The following DAB1 variants were observed in gnomAD, a reference collection of about 807,000 sequenced individuals.
DAB1 encodes DAB adaptor protein 1.
DAB1 carries 15 observed loss-of-function variants against 64.6 expected under a neutral mutation model. The observed-to-expected ratio is 0.23, with a 90% CI of 0.16 to 0.36. The LOEUF (loss-of-function observed/expected upper bound fraction) is 0.36. Ranked by LOEUF, DAB1 falls within the 10% of genes least tolerant of loss-of-function variation. The pLI is 1.00. For synonymous variants in DAB1, 235 were observed against 251.9 expected (o/e 0.93, Z 0.64); for missense variants, 596 against 706.7 (o/e 0.84, Z 1.78).
intron 2 of DAB1, among the ~76,000 whole-genome samples, chr1:57,241,505 C>T (rs1196333218): frequency 2.0e-5 from 3 of 152,174 alleles, no homozygotes; most frequent in Admixed American, 6.5e-5. Context: ...GAATTGATCA[C>T]GTTGCTATAG....
chr1:57,171,918 C>T (rs1661807231), intron 2 of DAB1, among the ~76,000 whole-genome samples: 1 of 152,178 alleles, frequency 6.6e-6, no homozygotes, highest in African/African-American at 2.4e-5. Flanking sequence ...CTTAAAACAT[C>T]AGAAATGTAT....
chr1:58,407,922 A>G (rs1194031859), intron 3 of DAB1, among the ~76,000 whole-genome samples: 1 of 152,132 alleles, frequency 6.6e-6, no homozygotes, highest in Non-Finnish European at 1.5e-5. Flanking sequence ...ACAAAGCCCT[A>G]TGTGACCTGA....
At chr1:58,198,529 C>T (rs983526645) in intron 4 of DAB1, among the ~76,000 whole-genome samples, 5 of 152,214 alleles carry the variant, frequency 3.3e-5, no homozygotes, top group African/African-American at 9.6e-5. Context: ...TACATATTGG[C>T]TGTCCAATGT....
intron 3 of DAB1, among the ~76,000 whole-genome samples, chr1:58,483,767 G>A (rs1273345094): frequency 6.6e-6 from 1 of 152,228 alleles, no homozygotes; most frequent in Non-Finnish European, 1.5e-5. Context: ...TTTGCACTGA[G>A]ACATCAGGCA....
intron 4 of DAB1, among the ~76,000 whole-genome samples, chr1:58,267,057 TA>T (rs977853252): frequency 6.6e-6 from 1 of 152,064 alleles, no homozygotes; most frequent in African/African-American, 2.4e-5. Context: ...CTGTCTCTAC[TA>T]AAAATACAAA....
chr1:57,687,748 C>T (rs944276338), intron 6 of DAB1, among the ~76,000 whole-genome samples: 2 of 151,778 alleles, frequency 1.3e-5, no homozygotes, highest in African/African-American at 4.8e-5. Context: ...GAACAGAGAA[C>T]CCAGAAAAAA....
chr1:58,419,211 C>T (rs11582638), intron 3 of DAB1, among the ~76,000 whole-genome samples: 28,838 of 152,156 alleles, frequency 0.19, 3,319 homozygotes, highest in Middle Eastern at 0.27. Context: ...GTTCCTTGTA[C>T]TTGGAGTAAG....
At chr1:57,170,589 G>A (rs2100922417) in intron 2 of DAB1, among the ~76,000 whole-genome samples, 1 of 152,232 alleles carries the variant, frequency 6.6e-6, no homozygotes, top group Non-Finnish European at 1.5e-5. Context: ...AGGTGCAGGG[G>A]CTTTGAGAAG....
At chr1:57,395,661 A>C (rs1682743618) in intron 1 of DAB1, among the ~76,000 whole-genome samples, 1 of 152,196 alleles carries the variant, frequency 6.6e-6, no homozygotes, top group Non-Finnish European at 1.5e-5. Flanking sequence ...TGAGCATCTG[A>C]AATGTGGCTA....
chr1:58,219,025 C>CTCTCTCTCTCTCTCTCTCTCTGTG (rs376130413), intron 4 of DAB1, among the ~76,000 whole-genome samples: 10 of 129,550 alleles, frequency 7.7e-5, no homozygotes, highest in East Asian at 4.8e-4. Context: ...CTCTCTCTCT[C>CTCTCTCTCTCTCTCTCTCTCTGTG]TGTGTGTGTG....
intron 1 of DAB1, among the ~76,000 whole-genome samples, chr1:57,871,482 C>A (rs890703621): frequency 6.6e-6 from 1 of 152,126 alleles, no homozygotes; most frequent in African/African-American, 2.4e-5. Context: ...GTTATTTAAA[C>A]CAGGTCATCT....
intron 4 of DAB1, among the ~76,000 whole-genome samples, chr1:57,124,139 GA>G (rs1656915284): frequency 6.6e-6 from 1 of 152,004 alleles, no homozygotes; most frequent in African/African-American, 2.4e-5. Flanking sequence ...CAGTGGTAAG[GA>G]AAAAGTGAAA....
intron 4 of DAB1, among the ~76,000 whole-genome samples, chr1:58,172,040 T>C (rs866424017): frequency 1.3e-5 from 2 of 152,178 alleles, no homozygotes; most frequent in Non-Finnish European, 2.9e-5. Context: ...TTGCCAACTA[T>C]GGATCCCCGG....
At chr1:57,326,968 G>A (rs1217324555) in intron 1 of DAB1, among the ~76,000 whole-genome samples, 2 of 152,024 alleles carry the variant, frequency 1.3e-5, no homozygotes, top group African/African-American at 4.8e-5. Flanking sequence ...AGACAGGTTT[G>A]CACTCTGTTG....
intron 2 of DAB1, among the ~76,000 whole-genome samples, chr1:57,154,631 AGTG>A (rs1265555151): frequency 6.6e-6 from 1 of 152,182 alleles, no homozygotes; most frequent in East Asian, 1.9e-4. Flanking sequence ...TGTTCTCCAT[AGTG>A]GTTGTACTAA....
chr1:57,397,719 G>A (rs1475348625), intron 1 of DAB1, among the ~76,000 whole-genome samples: 1 of 152,224 alleles, frequency 6.6e-6, no homozygotes, highest in African/African-American at 2.4e-5. Flanking sequence ...TACCCCGAGT[G>A]ATGAGGCATC....
intron 4 of DAB1, among the ~76,000 whole-genome samples, chr1:57,099,493 A>C (rs2100686669): frequency 6.6e-6 from 1 of 152,360 alleles, no homozygotes; most frequent in South Asian, 2.1e-4. Flanking sequence ...TAATAGTGTA[A>C]GCTAGGTAAT....
At chr1:58,046,754 A>G (rs1471970718) in intron 5 of DAB1, among the ~76,000 whole-genome samples, 1 of 152,216 alleles carries the variant, frequency 6.6e-6, no homozygotes, top group East Asian at 1.9e-4. Flanking sequence ...TAAACAAAGC[A>G]TCTCACACAG....
chr1:58,488,122 G>A (rs1645608671), intron 3 of DAB1, among the ~76,000 whole-genome samples: 1 of 151,904 alleles, frequency 6.6e-6, no homozygotes, highest in Non-Finnish European at 1.5e-5. Flanking sequence ...TTTAAATACA[G>A]ATTTAGTAAA....
Sources: allele counts gnomAD v4.1 joint callset (sites outside exome capture counted in the v4.1 genomes callset), GRCh38; gene constraint gnomAD v4.1.1; transcripts MANE v1.5; gene names NCBI Gene and HGNC (gene_info 2026-07-23, HGNC 2026-07-21).